HS3ST5: variants seen among roughly 807,000 people sequenced by gnomAD.
The protein encoded by HS3ST5 is heparan sulfate glucosamine 3-O-sulfotransferase 5.
HS3ST5 carries 10 observed loss-of-function variants against 25.4 expected under a neutral mutation model. That is an observed-to-expected ratio of 0.39 (90% confidence interval 0.24 to 0.67). HS3ST5 has a LOEUF of 0.67. Ranked by LOEUF, HS3ST5 falls within the 30% of genes least tolerant of loss-of-function variation. HS3ST5 has a pLI of 0.44. For synonymous variants in HS3ST5, 170 were observed against 162.4 expected (o/e 1.05, Z -0.36); for missense variants, 324 against 420.7 (o/e 0.77, Z 2.01).
intron 3 of HS3ST5, among the ~76,000 whole-genome samples, chr6:114,101,887 A>G (rs1429884704): frequency 6.6e-6 from 1 of 152,218 alleles, no homozygotes; most frequent in Non-Finnish European, 1.5e-5. Flanking sequence ...TAATGAGATC[A>G]TGTCCTTTGT....
intron 3 of HS3ST5, among the ~76,000 whole-genome samples, chr6:114,094,828 G>A (rs766353497): frequency 6.6e-5 from 10 of 152,152 alleles, no homozygotes; most frequent in East Asian, 1.9e-4. Context: ...CAATGTCACC[G>A]TTGTGATTTT....
chr6:114,168,722 G>A (rs546641033), intron 2 of HS3ST5, among the ~76,000 whole-genome samples: 1 of 152,252 alleles, frequency 6.6e-6, no homozygotes, highest in South Asian at 2.1e-4. Flanking sequence ...TCAGAGATGG[G>A]CTAGGAAATG....
intron 3 of HS3ST5, among the ~76,000 whole-genome samples, chr6:114,090,672 T>C (rs1207285221): frequency 6.6e-6 from 1 of 152,220 alleles, no homozygotes; most frequent in Non-Finnish European, 1.5e-5. Flanking sequence ...CTATGGATAG[T>C]TTGCAAAAAA....
chr6:114,171,164 C>T (rs533999943), intron 2 of HS3ST5, among the ~76,000 whole-genome samples: 6 of 152,014 alleles, frequency 3.9e-5, no homozygotes, highest in Admixed American at 2.0e-4. Flanking sequence ...AACTTTAAAG[C>T]GATGTAAGTT....
At chr6:114,334,172 T>G (rs912858276) in intron 1 of HS3ST5, among the ~76,000 whole-genome samples, 1 of 152,184 alleles carries the variant, frequency 6.6e-6, no homozygotes, top group Non-Finnish European at 1.5e-5. Flanking sequence ...AGCACTCAAG[T>G]CAGGTGAGCA....
At chr6:114,200,969 A>G (rs1252336512) in intron 2 of HS3ST5, among the ~76,000 whole-genome samples, 2 of 152,208 alleles carry the variant, frequency 1.3e-5, no homozygotes, top group African/African-American at 4.8e-5. Flanking sequence ...GAGATGTTTT[A>G]AGGCAAGCAG....
intron 3 of HS3ST5, among the ~76,000 whole-genome samples, chr6:114,090,967 A>G (rs1474281346): frequency 6.6e-6 from 1 of 152,206 alleles, no homozygotes. Context: ...AACTTTTATT[A>G]CAAATGCTAA....
At chr6:114,259,939 T>C (rs576894428) in intron 1 of HS3ST5, among the ~76,000 whole-genome samples, 3 of 152,328 alleles carry the variant, frequency 2.0e-5, no homozygotes, top group African/African-American at 4.8e-5. Flanking sequence ...TTTATTTCTA[T>C]TTAACTTATG....
At chr6:114,190,830 C>T (rs78600197) in intron 2 of HS3ST5, among the ~76,000 whole-genome samples, 1 of 152,254 alleles carries the variant, frequency 6.6e-6, no homozygotes, top group African/African-American at 2.4e-5. Context: ...AACTTTTTGG[C>T]ATGAATGCAC....
intron 1 of HS3ST5, among the ~76,000 whole-genome samples, chr6:114,267,207 T>C (rs1461304256): frequency 6.6e-6 from 1 of 152,200 alleles, no homozygotes; most frequent in Non-Finnish European, 1.5e-5. Context: ...AATGAGTCTA[T>C]GTGATAAAAT....
At chr6:114,338,142 G>A (rs750412461) in intron 1 of HS3ST5, among the ~76,000 whole-genome samples, 9 of 151,876 alleles carry the variant, frequency 5.9e-5, no homozygotes, top group Non-Finnish European at 1.3e-4. Context: ...AACTAGTAGA[G>A]CATTTATGAG....
intron 2 of HS3ST5, among the ~76,000 whole-genome samples, chr6:114,176,113 A>G (rs1033536741): frequency 2.6e-5 from 4 of 152,194 alleles, no homozygotes; most frequent in Non-Finnish European, 5.9e-5. Context: ...TCAATAAATA[A>G]ATTTGTTTTA....
In HS3ST5 at chr6:114,306,477, T is replaced by C. The variant is rs138963301; in HGVS notation, c.-339+35718A>G. Among the ~76,000 whole-genome samples the C allele has an allele frequency of 7.3e-5, 11 of 151,694 alleles. No individual in the cohort carries two copies. The East Asian group carries it at 2.1e-3, about 29-fold the overall frequency. On this transcript the variant is annotated intron_variant, in intron 1 of 4. Coordinates refer to ENST00000312719, the MANE Select transcript of HS3ST5 (RefSeq NM_153612.4). ...CCTAGAATATATCTCAGAGCCAATT[T>C]TGAATTATAACATTACTAAAACATT...
intron 1 of HS3ST5, among the ~76,000 whole-genome samples, chr6:114,232,154 T>G (rs1260789788): frequency 2.0e-5 from 3 of 152,168 alleles, no homozygotes; most frequent in African/African-American, 7.2e-5. Context: ...TCTATAGTTT[T>G]TCATGATTCA....
chr6:114,335,864 G>A (rs1380815722), intron 1 of HS3ST5, among the ~76,000 whole-genome samples: 1 of 151,972 alleles, frequency 6.6e-6, no homozygotes, highest in Middle Eastern at 3.2e-3. Context: ...ATGTTGGCCA[G>A]GATGGTCTTG....
intron 2 of HS3ST5, among the ~76,000 whole-genome samples, chr6:114,223,792 T>A (rs1039550835): frequency 2.0e-4 from 31 of 151,758 alleles, no homozygotes; most frequent in African/African-American, 7.2e-4. Context: ...ATGAGTAGTT[T>A]TAATTATCTT....
chr6:114,307,812 T>C lies in HS3ST5; in HGVS notation c.-339+34383A>G, dbSNP rs1296876571. Among the ~76,000 whole-genome samples the C allele has an allele frequency of 4.6e-5, 7 of 152,132 alleles. No homozygotes were observed. The East Asian group carries it at 1.2e-3, about 25-fold the overall frequency. On this transcript the variant is annotated intron_variant, in intron 1 of 4. Coordinates refer to ENST00000312719, the MANE Select transcript of HS3ST5 (RefSeq NM_153612.4). Reference sequence around the variant, plus strand: ...CAATGTGAGGTGAATTAAAATTTCTTATCAATATATTATTATTTACCAGTT... The same window carrying C: ...CAATGTGAGGTGAATTAAAATTTCTCATCAATATATTATTATTTACCAGTT...
chr6:114,254,503 AT>A (rs772980778), intron 1 of HS3ST5, among the ~76,000 whole-genome samples: 21 of 152,216 alleles, frequency 1.4e-4, no homozygotes, highest in Non-Finnish European at 2.9e-4. Flanking sequence ...AGAGAGAGAA[AT>A]AGATGGTGTC....
At chr6:114,205,699 C>A (rs1195950741) in intron 2 of HS3ST5, among the ~76,000 whole-genome samples, 1 of 152,048 alleles carries the variant, frequency 6.6e-6, no homozygotes, top group African/African-American at 2.4e-5. Flanking sequence ...GTGAAAAGGA[C>A]CAATTTTTTT....
Sources: gnomAD v4.1 joint callset for allele counts (sites outside exome capture counted in the v4.1 genomes callset) on GRCh38, gnomAD v4.1.1 for gene constraint, MANE v1.5 for transcripts, NCBI Gene and HGNC (gene_info 2026-07-23, HGNC 2026-07-21) for gene names.